Variants in APBB3 observed in about 807,000 individuals in gnomAD.
The protein encoded by APBB3 is amyloid-beta A4 precursor protein-binding family B member 3.
APBB3 carries 50 observed loss-of-function variants against 61.5 expected under a neutral mutation model. The observed-to-expected ratio is 0.81, with a 90% confidence interval of 0.65 to 1.03. The LOEUF (loss-of-function observed/expected upper bound fraction) is 1.03. Among genes scored for constraint, APBB3 ranks in the 50% least tolerant of loss-of-function variants. APBB3 has a pLI of 0.00. For synonymous variants in APBB3, 235 were observed against 233.0 expected, an observed-to-expected ratio of 1.01 and a Z score of -0.08; for missense variants, 550 against 637.4, an observed-to-expected ratio of 0.86 and a Z score of 1.48.
rs1217607632 is a variant in APBB3 at position 140,563,929 on chromosome 5, G to A, written c.50-14C>T. 3.1e-6 allele frequency: 5 copies of A among 1,611,416 alleles called. No individual in the cohort carries two copies. The highest frequency in any genetic ancestry group is 2.2e-5 in the East Asian group (1 of 44,880). ...CCCACAAGTCATCTACAGGAACACCGGATTAGAGAGGAGGGAGCATATGAT... is the reference window on the plus strand; with the variant it reads ...CCCACAAGTCATCTACAGGAACACCAGATTAGAGAGGAGGGAGCATATGAT... On this transcript the variant is annotated splice_polypyrimidine_tract_variant and intron_variant, in intron 1 of 12. Coordinates refer to ENST00000357560, the MANE Select transcript of APBB3 (RefSeq NM_133173.3).
In APBB3 at chr5:140,563,907, A is replaced by C; in HGVS notation, c.58T>G (p.Trp20Gly). 4 of 1,613,590 alleles carry C rather than the reference A, an allele frequency of 2.5e-6. No individual in the cohort carries two copies. Among genetic ancestry groups the C allele is most frequent in the South Asian group, 1.1e-5 (1 of 91,066 alleles). ...TCCACCTCCAGACTGTGGTCCCCCC[A>C]CAAGTCATCTACAGGAACACCGGAT... ...IILVNCDDDL[W>G]GDHSLEVEAG... The change falls in exon 2 of 13, where the codon TGG becomes GGG. Residue 20 changes from tryptophan (W) to glycine (G), a missense_variant. By Grantham distance (184) the Trp-to-Gly change is radical. Transcript: ENST00000357560.
At position 140,560,864 on chromosome 5, in the gene APBB3, G is replaced by A. The variant is rs749337110; in HGVS notation, c.917-110C>T. ...TCAGAGATAGGGAATAGGATAGCTGGGGCAAGCCTTAGAATTCTGATTTGG... is the reference window on the plus strand; with the variant it reads ...TCAGAGATAGGGAATAGGATAGCTGAGGCAAGCCTTAGAATTCTGATTTGG... On this transcript the variant is annotated intron_variant, in intron 10 of 12. Transcript: ENST00000357560. The surrounding 1 kb of genome is among the most constrained non-coding windows in gnomAD (Gnocchi z 5.1). The A allele has an allele frequency of 3.6e-6, 5 of 1,382,082 alleles. No individual in the cohort carries two copies. The highest frequency in any genetic ancestry group is 5.1e-6 in the Non-Finnish European group (5 of 987,290). The allele number at this position is 1,382,082 out of a possible 1,614,324, so 85.6% of individuals were successfully genotyped here. A position where few individuals can be genotyped will look rare whatever the true frequency, so the allele number is the denominator to read the frequency against.
rs780994271 is a variant in APBB3, at chr5:140,563,686, T to C, written c.214-16A>G. 1.2e-6 allele frequency: 2 copies of C among 1,614,030 alleles called. No homozygotes were observed. The stretch of plus-strand genomic sequence containing the variant: ...CCTCCGTTCCCTGTAGAGTGGGAGT[T>C]AGTCAGTTTAACAGCAGACCTAGGT... On this transcript the variant is annotated splice_polypyrimidine_tract_variant and intron_variant, in intron 2 of 12. Coordinates refer to ENST00000357560, the MANE Select transcript of APBB3 (RefSeq NM_133173.3).
In APBB3 at chr5:140,564,346, G is replaced by C; in HGVS notation, c.-101C>G. On this transcript the variant is annotated 5_prime_UTR_variant, in exon 1 of 13. Transcript: ENST00000357560. This position sits in a 1 kb window ranked among gnomAD's most constrained non-coding sequence, Gnocchi z 5.0. ...GCAAGCCCAGCCTCTCTGCGCCGCA[G>C]GCTGCGGGGCCAGCTGGCGCCGCAC... The C allele has an allele frequency of 6.9e-7, 1 of 1,450,084 alleles. No homozygotes were observed. Among genetic ancestry groups the C allele is most frequent in the Non-Finnish European group, 9.5e-7 (1 of 1,056,984 alleles). The allele number at this position is 1,450,084 out of a possible 1,614,324, so 89.8% of individuals were successfully genotyped here. A position where few individuals can be genotyped will look rare whatever the true frequency, so the allele number is the denominator to read the frequency against.
chr5:140,562,750 G>A lies in APBB3; in HGVS notation c.291-27C>T, dbSNP rs746842390. 2.5e-6 allele frequency: 4 copies of A among 1,613,060 alleles called. No individual in the cohort carries two copies. In the East Asian group the frequency reaches 6.7e-5, roughly 27 times the overall value. On this transcript the variant is annotated intron_variant, in intron 3 of 12. Transcript: ENST00000357560. ...TGAAACAGAGCAGAGCTGTTAAGAGGACCACATTTCCTACAGTAGGGACAC... is the reference window on the plus strand; with the variant it reads ...TGAAACAGAGCAGAGCTGTTAAGAGAACCACATTTCCTACAGTAGGGACAC...
At chr5:140,559,182 G>C (rs775363010) in intron 12 of APBB3, among the ~76,000 whole-genome samples, 17 of 152,148 alleles carry the variant, frequency 1.1e-4, no homozygotes, top group Non-Finnish European at 2.2e-4. Flanking sequence ...CTCTCTGATT[G>C]CAGAGCCTAA....
Position 140,564,359 on chromosome 5 carries a change from GC to G in APBB3, c.-115del, listed in dbSNP as rs1257883950. 47 of 1,330,614 alleles carry G rather than the reference GC, an allele frequency of 3.5e-5. No homozygotes were observed. Among genetic ancestry groups the G allele is most frequent in the Admixed American group, 3.9e-5 (2 of 51,006 alleles). 82.4% of individuals were successfully genotyped at this position (1,330,614 alleles called of 1,614,324 possible). Reference sequence around the variant, plus strand: ...CTCTGCGCCGCAGGCTGCGGGGCCAGCTGGCGCCGCACAAATACGGGGCGGG... The same window carrying G: ...CTCTGCGCCGCAGGCTGCGGGGCCAGTGGCGCCGCACAAATACGGGGCGGG... On this transcript the variant is annotated 5_prime_UTR_variant, in exon 1 of 13. Coordinates refer to ENST00000357560, the MANE Select transcript of APBB3 (RefSeq NM_133173.3). The surrounding 1 kb of genome is among the most constrained non-coding windows in gnomAD (Gnocchi z 5.0).
intron 12 of APBB3, among the ~76,000 whole-genome samples, chr5:140,559,206 T>G (rs752759387): frequency 2.0e-5 from 3 of 152,174 alleles, no homozygotes; most frequent in African/African-American, 4.8e-5. Context: ...CTTAATTACA[T>G]GTACCACTAT....
chr5:140,563,524 C>G (rs1291820644), intron 3 of APBB3, 70 bp downstream of exon 3: 2 of 1,580,790 alleles, frequency 1.3e-6, no homozygotes, highest in East Asian at 2.2e-5. Context: ...GAAAGCAGAC[C>G]ATGGGTCCAG....
Position 140,558,576 on chromosome 5 carries a change from C to G in APBB3, c.*9G>C, listed in dbSNP as rs753962169. 1 of 1,613,854 alleles carries G rather than the reference C, an allele frequency of 6.2e-7. No individual in the cohort carries two copies. Among genetic ancestry groups the G allele is most frequent in the Non-Finnish European group, 8.5e-7 (1 of 1,179,718 alleles). ...CCAGAGCCTACTTCCCCAGCCTTCC[C>G]AGATAAGTTTAGGGCATATGGAGCA... On this transcript the variant is annotated 3_prime_UTR_variant, in exon 13 of 13. Coordinates refer to ENST00000357560, the MANE Select transcript of APBB3 (RefSeq NM_133173.3).
Position 140,561,069 on chromosome 5 carries a change from G to C in APBB3, c.865C>G (p.Gln289Glu), listed in dbSNP as rs138631922. 1.9e-5 allele frequency: 31 copies of C among 1,613,968 alleles called. No homozygotes were observed. The African/African-American group carries it at 4.0e-4, about 21-fold the overall frequency. The change falls in exon 10 of 13, where the codon CAG (glutamine) becomes GAG (glutamate). Residue 289 changes from glutamine to glutamate, a missense_variant. This residue lies in a region of APBB3 where 405 missense variants were observed against 483.4 expected (regional missense o/e 0.84). Transcript: ENST00000357560. ...ELLDAVSQAA[Q>E]KYEALYMGTL... Reference sequence around the variant, plus strand: ...CCCATATACAGTGCCTCGTACTTCTGAGCAGCTTGGCTTACCGCATCCAGC... The same window carrying C: ...CCCATATACAGTGCCTCGTACTTCTCAGCAGCTTGGCTTACCGCATCCAGC...
intron 7 of APBB3, 38 bp downstream of exon 7, chr5:140,561,806 A>G (rs1754967362): frequency 6.2e-7 from 1 of 1,613,826 alleles, no homozygotes; most frequent in Non-Finnish European, 8.5e-7. Context: ...GAGTAGGGAC[A>G]TCAGGGATGG....
Position 140,561,673 on chromosome 5 carries a change from C to G in APBB3, c.661G>C (p.Asp221His), listed in dbSNP as rs1490978442. 1 of 1,614,124 alleles carries G rather than the reference C, an allele frequency of 6.2e-7. No homozygotes were observed. Among genetic ancestry groups the G allele is most frequent in the Non-Finnish European group, 8.5e-7 (1 of 1,180,042 alleles). Residue 221 changes from aspartate (D) to histidine (H), a missense_variant, in exon 8 of 13, where the codon GAT becomes CAT. This residue lies in a region of APBB3 where 405 missense variants were observed against 483.4 expected (regional missense o/e 0.84). Coordinates refer to ENST00000357560, the MANE Select transcript of APBB3 (RefSeq NM_133173.3). ...RDFAFVASDK[D>H]SCMLKCHVFC... Reference sequence around the variant, plus strand: ...ACATGGCACTTGAGCATACAGCTATCTTTGTCACTTGCCACAAAAGCGAAG... The same window carrying G: ...ACATGGCACTTGAGCATACAGCTATGTTTGTCACTTGCCACAAAAGCGAAG...
chr5:140,563,787 T>C lies in APBB3; in HGVS notation c.178A>G (p.Thr60Ala). The C allele has an allele frequency of 6.2e-7, 1 of 1,614,118 alleles. No homozygotes were observed. ...PSGSTQWQRP[T>A]WELGDAEDPG... is the part of the protein sequence containing the mutation. ...TCCTCTGCATCTCCTAGTTCCCAGG[T>C]TGGGCGCTGCCACTGGGTGCTACCG... Residue 60 changes from threonine (T) to alanine (A), a missense_variant, in exon 2 of 13, where the codon ACC (threonine) becomes GCC (alanine). This residue lies in a region of APBB3 where 405 missense variants were observed against 483.4 expected (regional missense o/e 0.84). Coordinates refer to ENST00000357560, the MANE Select transcript of APBB3 (RefSeq NM_133173.3).
At position 140,562,409 on chromosome 5, in the gene APBB3, G is replaced by A. The variant is rs758901847; in HGVS notation, c.442C>T (p.Gln148Ter). The A allele has an allele frequency of 6.2e-7, 1 of 1,614,212 alleles. No individual in the cohort carries two copies. The change falls in exon 5 of 13, where the codon CAG becomes TAG. Residue 148 changes from glutamine to a stop codon, truncating the protein, a stop_gained. Transcript: ENST00000357560. LOFTEE classifies it high-confidence loss of function. ...KSSIAVNNCI[Q>*]QLAQTRSRSQ... ...CGGCTGCGGGTCTGGGCCAGCTGCTGGATACAGTTATTGACTGCAATACTG... is the reference window on the plus strand; with the variant it reads ...CGGCTGCGGGTCTGGGCCAGCTGCTAGATACAGTTATTGACTGCAATACTG...
At chr5:140,561,309 C>A (rs150909420) in intron 9 of APBB3, 56 bp downstream of exon 9, 16,844 of 1,594,590 alleles carry the variant, frequency 0.011, 121 homozygotes, top group South Asian at 0.016. Context: ...ATCGCCCCCC[C>A]ACAAAGCAGC....
At chr5:140,559,961 A>G (rs1393719286) in intron 12 of APBB3, among the ~76,000 whole-genome samples, 2 of 152,272 alleles carry the variant, frequency 1.3e-5, no homozygotes, top group Non-Finnish European at 2.9e-5. Context: ...AAATGCCCAC[A>G]GATGCCAGGA....
rs910302628 is a variant in APBB3 at position 140,558,565 on chromosome 5, C to T, written c.*20G>A. On this transcript the variant is annotated 3_prime_UTR_variant, in exon 13 of 13. Transcript: ENST00000357560. Reference sequence around the variant, plus strand: ...TAGGCATGGACCCAGAGCCTACTTCCCCAGCCTTCCCAGATAAGTTTAGGG... The same window carrying T: ...TAGGCATGGACCCAGAGCCTACTTCTCCAGCCTTCCCAGATAAGTTTAGGG... 3 of 1,612,516 alleles carry T rather than the reference C, an allele frequency of 1.9e-6. No homozygotes were observed. The African/African-American group carries it at 4.0e-5, about 22-fold the overall frequency.
chr5:140,561,945 A>C, intron 6 of APBB3, 96 bp from the exon 7 acceptor site: 3 of 1,611,600 alleles, frequency 1.9e-6, no homozygotes, highest in Non-Finnish European at 2.5e-6. Context: ...ACCCTCCCCA[A>C]CCAGGGCTGG....
Sources: gnomAD v4.1 joint callset for allele counts (sites outside exome capture counted in the v4.1 genomes callset) on GRCh38, gnomAD v4.1.1 for gene constraint, gnomAD v4.1.1 regional missense constraint, Gnocchi (gnomAD v3.1) non-coding constraint, MANE v1.5 for transcripts, NCBI Gene and HGNC (gene_info 2026-07-23, HGNC 2026-07-21) for gene names.